Variants in BAZ2A observed in about 807,000 individuals in gnomAD.
BAZ2A encodes bromodomain adjacent to zinc finger domain 2A.
In BAZ2A, 34 loss-of-function variants were observed where a neutral mutation model predicts 199.9. That is an observed-to-expected ratio of 0.17 (90% CI 0.13 to 0.23). BAZ2A has a LOEUF of 0.23. Among genes scored for constraint, BAZ2A ranks in the 10% least tolerant of loss-of-function variants. The probability of loss-of-function intolerance (pLI) is 1.00; values close to 1 mark genes in which losing one functional copy is unlikely to be tolerated. For missense variants in BAZ2A, 2,002 were observed against 2,391.1 expected, an observed-to-expected ratio of 0.84 and a Z score of 3.39; for synonymous variants, 857 against 883.9, an observed-to-expected ratio of 0.97 and a Z score of 0.54.
intron 1 of BAZ2A, among the ~76,000 whole-genome samples, chr12:56,628,867 T>C (rs1015743601): frequency 3.9e-5 from 6 of 152,254 alleles, no homozygotes; most frequent in African/African-American, 1.4e-4. Flanking sequence ...ATCACTTACA[T>C]AGAGCGTACC....
chr12:56,628,266 G>A (rs1400692626), intron 1 of BAZ2A, among the ~76,000 whole-genome samples: 6 of 151,170 alleles, frequency 4.0e-5, no homozygotes, highest in African/African-American at 9.7e-5. Flanking sequence ...GCCAACTGTT[G>A]CCCCTAACCA....
rs761987685 is a variant in BAZ2A, at chr12:56,615,613, A to G, written c.137-6T>C. 2.5e-6 allele frequency: 4 copies of G among 1,570,586 alleles called. No individual in the cohort carries two copies. In the East Asian group the frequency reaches 6.8e-5, roughly 27 times the overall value. ...ATTCACATCCCCATTCAAACCTGGC[A>G]GAGAAAGAAAGAAAAGGTCAGTTAC... On this transcript the variant is annotated splice_polypyrimidine_tract_variant and splice_region_variant and intron_variant, in intron 2 of 28. Transcript: ENST00000549884.
At chr12:56,628,680 C>T (rs1242929377) in intron 1 of BAZ2A, among the ~76,000 whole-genome samples, 1 of 152,206 alleles carries the variant, frequency 6.6e-6, no homozygotes, top group Non-Finnish European at 1.5e-5. Context: ...ATCTTCCTCA[C>T]CCCTTCCTCT....
rs370230547 is a variant in BAZ2A at position 56,598,623 on chromosome 12, G to A, written c.5707C>T (p.Leu1903=). ...GACTCCCCACCTCCCTTGCCTCACA[G>A]ATTGGCCTGTTTTCCCTGATAAAAC... ...EEFYQGKQAN[L] is the part of the protein sequence containing the mutation. The change falls in exon 29 of 29, where the codon CTG becomes TTG. Residue 1903 remains leucine (L), a synonymous_variant. Transcript: ENST00000549884. 100 of 1,613,332 alleles carry A rather than the reference G, an allele frequency of 6.2e-5. No homozygotes were observed. The highest frequency in any genetic ancestry group is 8.4e-5 in the Non-Finnish European group (99 of 1,179,794).
intron 1 of BAZ2A, among the ~76,000 whole-genome samples, chr12:56,622,857 G>A (rs74095030): frequency 2.8e-4 from 43 of 152,218 alleles, no homozygotes; most frequent in African/African-American, 8.2e-4. Flanking sequence ...AAGCAATAAA[G>A]CCCTCCCCAC....
At chr12:56,609,435 A>G (rs117296522) in intron 10 of BAZ2A, among the ~76,000 whole-genome samples, 39 of 152,314 alleles carry the variant, frequency 2.6e-4, no homozygotes, top group Admixed American at 4.6e-4. Flanking sequence ...GAACCAGTAT[A>G]TGATAAGGAG....
At chr12:56,609,997 C>T (rs1008963170) in intron 9 of BAZ2A, 51 bp from the exon 10 acceptor site, 3 of 1,605,230 alleles carry the variant, frequency 1.9e-6, no homozygotes, top group Non-Finnish European at 2.6e-6. Flanking sequence ...GTGCAGGCCA[C>T]GAGGCCCTCG....
rs569194772 is a variant in BAZ2A at position 56,617,249 on chromosome 12, A to G, written c.136+146T>C. 1.2e-5 allele frequency: 12 copies of G among 1,037,524 alleles called. No individual in the cohort carries two copies. The Admixed American group carries it at 4.6e-4, about 40-fold the overall frequency. The allele number at this position is 1,037,524 out of a possible 1,614,324, so 64.3% of individuals were successfully genotyped here. ...ATCTCTTCCAACCTTAAATCAATAC[A>G]AAAAATGTTTCCAAAAAACCCTAGA... On this transcript the variant is annotated intron_variant, in intron 2 of 28. Coordinates refer to ENST00000549884, the MANE Select transcript of BAZ2A (RefSeq NM_001300905.2).
At chr12:56,608,442 G>A (rs1034185849) in intron 10 of BAZ2A, among the ~76,000 whole-genome samples, 11 of 151,920 alleles carry the variant, frequency 7.2e-5, no homozygotes, top group Admixed American at 5.2e-4. Flanking sequence ...AGATGTCTGA[G>A]TGAAAATCAA....
At chr12:56,638,125 A>G (rs1951484257), upstream of BAZ2A, 4 of 550,478 alleles carry the variant, frequency 7.3e-6, no homozygotes, top group Non-Finnish European at 1.3e-5. Flanking sequence ...AATTAAATAC[A>G]TAACCCTTCA....
intron 1 of BAZ2A, among the ~76,000 whole-genome samples, chr12:56,626,879 C>T (rs1488952043): frequency 6.6e-6 from 1 of 152,174 alleles, no homozygotes; most frequent in Non-Finnish European, 1.5e-5. Flanking sequence ...AAATCAACCC[C>T]ATCAGACAGC....
chr12:56,623,587 ACTCTACACAT>A (rs1414815374), intron 1 of BAZ2A, among the ~76,000 whole-genome samples: 1 of 151,964 alleles, frequency 6.6e-6, no homozygotes, highest in African/African-American at 2.4e-5. Context: ...ATATTTCTTA[ACTCTACACAT>A]CTCTGGATTA....
intron 1 of BAZ2A, among the ~76,000 whole-genome samples, chr12:56,624,037 G>A (rs1402743173): frequency 1.3e-5 from 2 of 151,050 alleles, no homozygotes; most frequent in Admixed American, 6.6e-5. Context: ...TTGAGGCCAG[G>A]AATTCAAGAC....
chr12:56,621,323 G>C (rs896232277), intron 1 of BAZ2A: 2 of 929,666 alleles, frequency 2.2e-6, no homozygotes, highest in Non-Finnish European at 2.6e-6. Context: ...ACAGAAATCA[G>C]AGAATTAAAA....
exon 1 of BAZ2A, chr12:56,636,248 T>A: frequency 6.4e-7 from 1 of 1,566,596 alleles, no homozygotes; most frequent in Non-Finnish European, 8.7e-7. Flanking sequence ...GGCCTCCACT[T>A]CACGTAAAGG....
chr12:56,624,296 A>C (rs1246647719), intron 1 of BAZ2A, among the ~76,000 whole-genome samples: 2 of 152,124 alleles, frequency 1.3e-5, no homozygotes, highest in Non-Finnish European at 2.9e-5. Flanking sequence ...GAACAAAGAT[A>C]ATGAAAGAAG....
chr12:56,611,242 T>C (rs370143884), intron 7 of BAZ2A: 14 of 422,898 alleles, frequency 3.3e-5, no homozygotes, highest in African/African-American at 2.9e-4. Context: ...CCTCATTCAT[T>C]ACTATCCCTT....
chr12:56,602,275 T>G, intron 19 of BAZ2A, 83 bp from the exon 20 acceptor site: 1 of 1,238,370 alleles, frequency 8.1e-7, no homozygotes, highest in Admixed American at 2.8e-5. Context: ...GACCTATACT[T>G]TCTTTTTCTC....
chr12:56,599,045 A>G (rs1430557958), intron 27 of BAZ2A, 34 bp from the exon 28 acceptor site: 1 of 1,606,796 alleles, frequency 6.2e-7, no homozygotes, highest in East Asian at 2.2e-5. Context: ...GCTCCATCTC[A>G]GGAAGCAAAT....
Sources: allele counts gnomAD v4.1 joint callset (sites outside exome capture counted in the v4.1 genomes callset), GRCh38; gene constraint gnomAD v4.1.1; transcripts MANE v1.5; gene names NCBI Gene and HGNC (gene_info 2026-07-23, HGNC 2026-07-21).